Variants in SOCS6 observed in about 807,000 individuals in gnomAD.
SOCS6 encodes suppressor of cytokine signaling 6.
Under a neutral mutation model 27.7 loss-of-function variants are expected in SOCS6, and 5 were observed. The observed-to-expected ratio is 0.18, with a 90% CI of 0.09 to 0.38. The LOEUF is 0.38. Among genes scored for constraint, SOCS6 ranks in the 10% least tolerant of loss-of-function variants. The pLI, the probability that SOCS6 is intolerant of heterozygous loss-of-function variation, is 1.00. For synonymous variants in SOCS6, 271 were observed against 260.0 expected (o/e 1.04, Z -0.41); for missense variants, 595 against 688.1 (o/e 0.86, Z 1.51).
At chr18:70,319,776 G>A (rs778616941) in intron 1 of SOCS6, among the ~76,000 whole-genome samples, 1 of 152,162 alleles carries the variant, frequency 6.6e-6, no homozygotes, top group Non-Finnish European at 1.5e-5. Context: ...GAAGAAGGAA[G>A]AGTGTCTCCA....
Position 70,324,691 on chromosome 18 carries a change from C to T in SOCS6, c.23C>T (p.Thr8Ile). The T allele has an allele frequency of 6.3e-7, 1 of 1,593,840 alleles. No individual in the cohort carries two copies. Residue 8 changes from threonine (T) to isoleucine (I), a missense_variant, in exon 2 of 2, where the codon ACC becomes ATC. Physicochemically the swap from Thr to Ile is moderately conservative, Grantham distance 89. This residue lies in a region of SOCS6 where 467 missense variants were observed against 481.1 expected (regional missense o/e 0.97). Transcript: ENST00000397942. Reference protein sequence around the residue: MKKISLKTLRKSFNLNKS... With the variant: MKKISLKILRKSFNLNKS... Reference sequence around the variant, plus strand: ...ATAATGAAGAAAATTAGTCTTAAAACCTTACGGAAATCTTTTAACTTGAAT... The same window carrying T: ...ATAATGAAGAAAATTAGTCTTAAAATCTTACGGAAATCTTTTAACTTGAAT...
chr18:70,314,404 A>C lies in SOCS6; in HGVS notation c.-126-10139A>C, dbSNP rs112661129. 5.9e-5 allele frequency among the ~76,000 whole-genome samples: 9 copies of C among 152,300 alleles called. 1 individual carries two copies. Among genetic ancestry groups the C allele is most frequent in the African/African-American group, 2.2e-4 (9 of 41,556 alleles). On this transcript the variant is annotated intron_variant, in intron 1 of 1. Coordinates refer to ENST00000397942, the MANE Select transcript of SOCS6 (RefSeq NM_004232.4). ...TTAGTCTATGATGAACCGAGTGTGT[A>C]ATGTGGTCCTATAGGATTATAATAC... is the stretch of plus-strand genomic sequence containing the variant.
rs1047654 is a variant in SOCS6 at position 70,325,031 on chromosome 18, G to C, written c.363G>C (p.Pro121=). The change falls in exon 2 of 2, where the codon CCG becomes CCC. Residue 121 remains proline (P), a synonymous_variant. Transcript: ENST00000397942. The surrounding 1 kb of genome is among the most constrained non-coding windows in gnomAD (Gnocchi z 6.3). ...IVFKDVRAQR[P]IRSTSLRSHH... The stretch of plus-strand genomic sequence containing the variant: ...TTAAAGACGTGAGAGCTCAGAGGCC[G>C]ATAAGGTCCACGTCGCTCCGCAGCC... The C allele has an allele frequency of 1.2e-6, 2 of 1,614,020 alleles. No homozygotes were observed. The highest frequency in any genetic ancestry group is 1.3e-5 in the African/African-American group (1 of 74,926).
At chr18:70,319,772 G>A (rs1910907300) in intron 1 of SOCS6, among the ~76,000 whole-genome samples, 2 of 152,254 alleles carry the variant, frequency 1.3e-5, no homozygotes, top group Admixed American at 6.5e-5. Context: ...TACTGAAGAA[G>A]GAAGAGTGTC....
At chr18:70,306,103 A>G (rs748743957) in intron 1 of SOCS6, among the ~76,000 whole-genome samples, 2 of 152,038 alleles carry the variant, frequency 1.3e-5, no homozygotes, top group Non-Finnish European at 2.9e-5. Flanking sequence ...GGTGGCATGC[A>G]TCTGTAGTCC....
chr18:70,325,631 A>G lies in SOCS6; in HGVS notation c.963A>G (p.Gln321=). ...SPLLPPMQNN[Q]IQRNFSGLTG... is the part of the protein sequence containing the mutation. ...TGCTACCTCCAATGCAGAATAATCA[A>G]ATCCAAAGGAACTTCAGTGGACTCA... Residue 321 remains glutamine, a synonymous_variant, in exon 2 of 2, where the codon CAA becomes CAG. Coordinates refer to ENST00000397942, the MANE Select transcript of SOCS6 (RefSeq NM_004232.4). This position sits in a 1 kb window ranked among gnomAD's most constrained non-coding sequence, Gnocchi z 6.3. 1 of 1,614,172 alleles carries G rather than the reference A, an allele frequency of 6.2e-7. No homozygotes were observed. Among genetic ancestry groups the G allele is most frequent in the African/African-American group, 1.3e-5 (1 of 75,034 alleles).
At chr18:70,302,902 A>C (rs2062354715) in intron 1 of SOCS6, among the ~76,000 whole-genome samples, 2 of 152,196 alleles carry the variant, frequency 1.3e-5, no homozygotes, top group Admixed American at 6.5e-5. Context: ...CAATAGTCTC[A>C]TCTTTTGATT....
At chr18:70,302,771 T>A (rs2062353958) in intron 1 of SOCS6, among the ~76,000 whole-genome samples, 1 of 150,594 alleles carries the variant, frequency 6.6e-6, no homozygotes, top group African/African-American at 2.4e-5. Flanking sequence ...TACACCAGTA[T>A]AAAAAAAAAA....
At chr18:70,302,732 C>G (rs1158706939) in intron 1 of SOCS6, among the ~76,000 whole-genome samples, 1 of 151,550 alleles carries the variant, frequency 6.6e-6, no homozygotes, top group Admixed American at 6.6e-5. Flanking sequence ...TTTGAATATT[C>G]AAAGCCGGTT....
chr18:70,325,159 C>T lies in SOCS6; in HGVS notation c.491C>T (p.Pro164Leu), dbSNP rs767788085. 1.2e-5 allele frequency: 20 copies of T among 1,613,980 alleles called. No individual in the cohort carries two copies. The highest frequency in any genetic ancestry group is 2.2e-5 in the South Asian group (2 of 91,074). The change falls in exon 2 of 2, where the codon CCG becomes CTG. Residue 164 changes from proline to leucine, a missense_variant. Physicochemically the swap from Pro to Leu is moderately conservative, Grantham distance 98. Transcript: ENST00000397942. This position sits in a 1 kb window ranked among gnomAD's most constrained non-coding sequence, Gnocchi z 6.3. ...RVKALVHSSS[P>L]SPALNGVRKD... Reference sequence around the variant, plus strand: ...AAGGCCTTGGTTCACTCTTCCAGCCCGAGTCCAGCCCTGAATGGCGTCCGG... The same window carrying T: ...AAGGCCTTGGTTCACTCTTCCAGCCTGAGTCCAGCCCTGAATGGCGTCCGG...
intron 1 of SOCS6, among the ~76,000 whole-genome samples, chr18:70,295,777 C>T (rs1478615852): frequency 2.0e-5 from 3 of 152,164 alleles, no homozygotes; most frequent in Admixed American, 6.5e-5. Flanking sequence ...TTATCTTCGT[C>T]CTTGCACAGA....
chr18:70,292,089 C>A (rs2062302095), intron 1 of SOCS6, among the ~76,000 whole-genome samples: 1 of 152,134 alleles, frequency 6.6e-6, no homozygotes, highest in African/African-American at 2.4e-5. Context: ...ACAAACCTTA[C>A]ATTTTACTTC....
chr18:70,306,017 C>T (rs577864884), intron 1 of SOCS6, among the ~76,000 whole-genome samples: 69 of 152,112 alleles, frequency 4.5e-4, no homozygotes, highest in Non-Finnish European at 8.1e-4. Context: ...GCTGGAGGAT[C>T]GCTTGAGCCT....
intron 1 of SOCS6, among the ~76,000 whole-genome samples, chr18:70,305,827 A>C (rs573139095): frequency 6.6e-6 from 1 of 152,162 alleles, no homozygotes; most frequent in South Asian, 2.1e-4. Context: ...TTGTTTTCTT[A>C]ATTCACTTTT....
In SOCS6 at chr18:70,329,757, C is replaced by CT. The variant is rs1392928785; in HGVS notation, c.*3487dup. 6.0e-6 allele frequency: 1 copy of CT among 166,958 alleles called. No homozygotes were observed. The allele number at this position is 166,958 out of a possible 1,614,324, so 10.3% of individuals were successfully genotyped here. On this transcript the variant is annotated 3_prime_UTR_variant, in exon 2 of 2. Coordinates refer to ENST00000397942, the MANE Select transcript of SOCS6 (RefSeq NM_004232.4). ...ATCACAAATATGGTTTCTTTTAATA[C>CT]TTTTTTAATCCTGTAAAGAAGGGTT...
At chr18:70,296,247 C>A (rs2062322199) in intron 1 of SOCS6, among the ~76,000 whole-genome samples, 1 of 152,038 alleles carries the variant, frequency 6.6e-6, no homozygotes, top group African/African-American at 2.4e-5. Context: ...TTGGTGTATG[C>A]CTGGCTGTGT....
At chr18:70,323,274 A>G (rs1327909122) in intron 1 of SOCS6, among the ~76,000 whole-genome samples, 1 of 152,058 alleles carries the variant, frequency 6.6e-6, no homozygotes, top group Non-Finnish European at 1.5e-5. Context: ...AGGAAAGAAA[A>G]CATTCTACAC....
chr18:70,313,669 GAC>G (rs1272183507), intron 1 of SOCS6, among the ~76,000 whole-genome samples: 1 of 152,098 alleles, frequency 6.6e-6, no homozygotes, highest in African/African-American at 2.4e-5. Flanking sequence ...TCTTCTTGAT[GAC>G]AGACTCTTCC....
At chr18:70,296,906 C>CTTTTTTTTTTTTTTTTTTTTTTTTTTTTT (rs375704179) in intron 1 of SOCS6, among the ~76,000 whole-genome samples, 3 of 129,158 alleles carry the variant, frequency 2.3e-5, no homozygotes, top group Non-Finnish European at 4.7e-5. Context: ...CATTTTCTTT[C>CTTTTTTTTTTTTTTTTTTTTTTTTTTTTT]TTTTTTTTTT....
Sources: gnomAD v4.1 joint callset for allele counts (sites outside exome capture counted in the v4.1 genomes callset) on GRCh38, gnomAD v4.1.1 for gene constraint, gnomAD v4.1.1 regional missense constraint, Gnocchi (gnomAD v3.1) non-coding constraint, MANE v1.5 for transcripts, NCBI Gene and HGNC (gene_info 2026-07-23, HGNC 2026-07-21) for gene names.